The following CD300LG variants were observed in gnomAD, a reference collection of about 807,000 sequenced individuals.
The protein encoded by CD300LG is CD300 molecule like family member g.
CD300LG carries 29 observed loss-of-function variants against 31.5 expected under a neutral mutation model. The ratio of observed to expected loss-of-function variants is 0.92; its 90% confidence interval spans 0.68 to 1.25. The LOEUF (loss-of-function observed/expected upper bound fraction) is 1.25, where lower values mean the gene tolerates loss of function less well. Among genes scored for constraint, CD300LG ranks in the 50% most tolerant of loss-of-function variants. The pLI is 0.00. For synonymous variants in CD300LG, 175 were observed against 177.2 expected (o/e 0.99, Z 0.10); for missense variants, 396 against 417.6 (o/e 0.95, Z 0.45).
chr17:43,856,094 A>T (rs1270569258), intron 5 of CD300LG, among the ~76,000 whole-genome samples: 1 of 152,220 alleles, frequency 6.6e-6, no homozygotes, highest in African/African-American at 2.4e-5. Flanking sequence ...GGCATGAGCC[A>T]CTACGCCCAA....
chr17:43,848,342 C>T (rs1320273354), intron 1 of CD300LG, among the ~76,000 whole-genome samples: 2 of 152,228 alleles, frequency 1.3e-5, no homozygotes, highest in East Asian at 1.9e-4. Context: ...GCCACCCCTG[C>T]ACCCCAATTC....
chr17:43,855,794 A>T (rs1268140762), intron 5 of CD300LG: 1 of 152,942 alleles, frequency 6.5e-6, no homozygotes, highest in Non-Finnish European at 1.5e-5. Context: ...CAAGTCACCT[A>T]ACTGCCCTAA....
intron 2 of CD300LG, 38 bp from the exon 3 acceptor site, chr17:43,852,874 G>A (rs774625715): frequency 5.4e-5 from 73 of 1,351,718 alleles, no homozygotes; most frequent in Middle Eastern, 1.7e-4. Context: ...GGTTCAGAGC[G>A]GTGCCACCCC....
At position 43,853,945 on chromosome 17, in the gene CD300LG, C is replaced by T. The variant is rs2143354151; in HGVS notation, c.620C>T (p.Thr207Ile). ...ACAGGAACCTCTCCTCACCCAGCGA[C>T]CTCTCCTCCTGCAGGGAGCTCCCGC... is the stretch of plus-strand genomic sequence containing the variant. ...QYTGTSPHPA[T>I]SPPAGSSRPP... The change falls in exon 4 of 7, where the codon ACC becomes ATC. Residue 207 changes from threonine to isoleucine, a missense_variant. Transcript: ENST00000317310. 3 of 1,614,176 alleles carry T rather than the reference C, an allele frequency of 1.9e-6. No individual in the cohort carries two copies. Among genetic ancestry groups the T allele is most frequent in the South Asian group, 1.1e-5 (1 of 91,088 alleles).
intron 6 of CD300LG, chr17:43,857,453 C>T: frequency 6.5e-7 from 1 of 1,537,168 alleles, no homozygotes; most frequent in Non-Finnish European, 8.7e-7. Context: ...TCTTTCCATC[C>T]CCCCTTTTAG....
Position 43,861,917 on chromosome 17 carries a change from G to A in CD300LG, c.*6G>A. On this transcript the variant is annotated 3_prime_UTR_variant, in exon 7 of 7. Coordinates refer to ENST00000317310, the MANE Select transcript of CD300LG (RefSeq NM_145273.4). ...CGAAGTTTGTCTCAGCGTAGGGCAG[G>A]AGGCCCTCCTGGCCAGGCCAGCAGT... 6.3e-7 allele frequency: 1 copy of A among 1,597,352 alleles called. No homozygotes were observed. Among genetic ancestry groups the A allele is most frequent in the East Asian group, 2.3e-5 (1 of 44,312 alleles).
At chr17:43,850,651 G>T (rs1409086487) in intron 2 of CD300LG, among the ~76,000 whole-genome samples, 4 of 147,028 alleles carry the variant, frequency 2.7e-5, no homozygotes, top group East Asian at 2.0e-4. Context: ...TTGGTTTTTT[G>T]TTTTTTTTTT....
chr17:43,856,813 G>T (rs951254451), intron 5 of CD300LG, among the ~76,000 whole-genome samples: 4 of 152,194 alleles, frequency 2.6e-5, no homozygotes, highest in African/African-American at 7.2e-5. Context: ...CATCCAGGGG[G>T]TCCTATGTGC....
chr17:43,857,002 C>T (rs2046540411), intron 5 of CD300LG, 102 bp from the exon 6 acceptor site: 2 of 1,170,062 alleles, frequency 1.7e-6, no homozygotes, highest in South Asian at 1.3e-5. Context: ...GAAGCCCCTG[C>T]TCCCGTGTGC....
At chr17:43,858,181 G>A (rs1041776732) in intron 6 of CD300LG, 15 of 1,181,352 alleles carry the variant, frequency 1.3e-5, no homozygotes, top group Admixed American at 3.8e-5. Context: ...AGGAGGGTCT[G>A]GGGTGGAAAT....
In CD300LG at chr17:43,854,034, TC is replaced by T. The variant is rs776593672; in HGVS notation, c.710del (p.Ser237LeufsTer20). On this transcript the variant is annotated frameshift_variant, in exon 4 of 7. Coordinates refer to ENST00000317310, the MANE Select transcript of CD300LG (RefSeq NM_145273.4). LOFTEE classifies it high-confidence loss of function. ...CAGTCCAGCTCTCAGCAGTGGCAGC[TC>T]TAAGCCCAGGTGAGCCCCAGGTGAC... is the stretch of plus-strand genomic sequence containing the variant. ...DTSPALSSGS[S>X]KPRVSIPMVR... is the part of the protein sequence containing the mutation. 1 of 1,613,440 alleles carries T rather than the reference TC, an allele frequency of 6.2e-7. No homozygotes were observed. Among genetic ancestry groups the T allele is most frequent in the Non-Finnish European group, 8.5e-7 (1 of 1,179,438 alleles).
rs576603619 is a variant in CD300LG at position 43,852,964 on chromosome 17, A to T, written c.432A>T (p.Thr144=). ...PSPTFQPLAT[T]RLQPKAKAQQ... ...CCACCTTCCAGCCTCTGGCTACAACACGCCTGCAGCCCAAGGCAAAAGCTC... is the reference window on the plus strand; with the variant it reads ...CCACCTTCCAGCCTCTGGCTACAACTCGCCTGCAGCCCAAGGCAAAAGCTC... Residue 144 remains threonine, a synonymous_variant, in exon 3 of 7, where the codon ACA becomes ACT. Transcript: ENST00000317310. The T allele has an allele frequency of 6.2e-7, 1 of 1,612,404 alleles. No individual in the cohort carries two copies. Among genetic ancestry groups the T allele is most frequent in the East Asian group, 2.2e-5 (1 of 44,728 alleles).
rs532808839 is a variant in CD300LG, at chr17:43,848,604, G to A, written c.90G>A (p.Gly30=). Residue 30 remains glycine, a synonymous_variant, in exon 2 of 7, where the codon GGG becomes GGA. Coordinates refer to ENST00000317310, the MANE Select transcript of CD300LG (RefSeq NM_145273.4). ...CAGAGGAAATCAGCGGGTTCGAAGG[G>A]GACACTGTGTCCCTGCAGTGCACCT... The part of the protein sequence containing the change: ...EGPEEISGFE[G]DTVSLQCTYR... 1.2e-6 allele frequency: 2 copies of A among 1,613,992 alleles called. No homozygotes were observed. The highest frequency in any genetic ancestry group is 1.7e-6 in the Non-Finnish European group (2 of 1,179,932).
chr17:43,854,274 C>A (rs1159003291), intron 4 of CD300LG, among the ~76,000 whole-genome samples: 1 of 152,262 alleles, frequency 6.6e-6, no homozygotes, highest in African/African-American at 2.4e-5. Flanking sequence ...ACCAGGATCC[C>A]AGTCCTGACC....
rs763771839 is a variant in CD300LG, at chr17:43,853,841, C to A, written c.516C>A (p.Ala172=). 6.2e-7 allele frequency: 1 copy of A among 1,614,072 alleles called. No individual in the cohort carries two copies. The highest frequency in any genetic ancestry group is 1.1e-5 in the South Asian group (1 of 91,076). ...GGCTCTACCCGGCAGCCACCACAGC[C>A]AAGCAGGGGAAGACAGGGGCTGAGG... is the stretch of plus-strand genomic sequence containing the variant. ...SPGLYPAATT[A]KQGKTGAEAP... Residue 172 remains alanine, a synonymous_variant, in exon 4 of 7, where the codon GCC becomes GCA. Coordinates refer to ENST00000317310, the MANE Select transcript of CD300LG (RefSeq NM_145273.4).
chr17:43,856,246 G>A (rs1373755115), intron 5 of CD300LG, among the ~76,000 whole-genome samples: 1 of 152,176 alleles, frequency 6.6e-6, no homozygotes, highest in Non-Finnish European at 1.5e-5. Context: ...TCAAAACCCA[G>A]TCTAACATGA....
rs1470450560 is a variant in CD300LG, at chr17:43,858,335, C to T, written c.885+1179C>T. 8 of 997,438 alleles carry T rather than the reference C, an allele frequency of 8.0e-6. No individual in the cohort carries two copies. In the Admixed American group the frequency reaches 1.6e-4, roughly 20 times the overall value. The allele number at this position is 997,438 out of a possible 1,614,324, so 61.8% of individuals were successfully genotyped here. A position where few individuals can be genotyped will look rare whatever the true frequency, so the allele number is the denominator to read the frequency against. On this transcript the variant is annotated intron_variant, in intron 6 of 6. Coordinates refer to ENST00000317310, the MANE Select transcript of CD300LG (RefSeq NM_145273.4). ...GGGTGCCACTGGCCACCTCCAAGCC[C>T]GGCCTCCTGGCTCTGCGGGCTAGGG...
rs1159928263 is a variant in CD300LG at position 43,848,819 on chromosome 17, C to A, written c.305C>A (p.Ala102Asp). 6.2e-7 allele frequency: 1 copy of A among 1,614,124 alleles called. No homozygotes were observed. Among genetic ancestry groups the A allele is most frequent in the Admixed American group, 1.7e-5 (1 of 60,032 alleles). The change falls in exon 2 of 7, where the codon GCT (alanine) becomes GAT (aspartate). Residue 102 changes from alanine to aspartate, a missense_variant. Coordinates refer to ENST00000317310, the MANE Select transcript of CD300LG (RefSeq NM_145273.4). ...VTLWNLTLQD[A>D]GEYWCGVEKR... ...CTGTGGAACCTCACCCTGCAAGACG[C>A]TGGGGAGTACTGGTGTGGGGTCGAA...
intron 6 of CD300LG, chr17:43,857,703 A>C: frequency 7.3e-7 from 1 of 1,379,176 alleles, no homozygotes; most frequent in Admixed American, 2.0e-5. Flanking sequence ...AGAGAGGGTA[A>C]AGGTCTTGCC....
Sources: allele counts gnomAD v4.1 joint callset (sites outside exome capture counted in the v4.1 genomes callset), GRCh38; gene constraint gnomAD v4.1.1; transcripts MANE v1.5; gene names NCBI Gene and HGNC (gene_info 2026-07-23, HGNC 2026-07-21).